Variants in SHISAL2A observed in about 807,000 individuals in gnomAD.
The protein encoded by SHISAL2A is protein shisa-like-2A.
SHISAL2A carries 18 observed loss-of-function variants against 11.5 expected under a neutral mutation model. The ratio of observed to expected loss-of-function variants is 1.57; its 90% CI spans 1.08 to 2.33. The LOEUF (loss-of-function observed/expected upper bound fraction) is 2.33, where lower values mean the gene tolerates loss of function less well. Ranked by LOEUF, SHISAL2A falls within the 30% of genes most tolerant of loss-of-function variation. The probability of loss-of-function intolerance (pLI) is 0.00; values close to 1 mark genes in which losing one functional copy is unlikely to be tolerated. For missense variants in SHISAL2A, 261 were observed against 250.9 expected, an observed-to-expected ratio of 1.04 and a Z score of -0.27; for synonymous variants, 94 against 99.6, an observed-to-expected ratio of 0.94 and a Z score of 0.34.
upstream of SHISAL2A, among the ~76,000 whole-genome samples, chr1:52,632,919 GAGGTT>G: frequency 6.6e-6 from 1 of 151,964 alleles, no homozygotes; most frequent in East Asian, 2.0e-4. Flanking sequence ...GGTTTTTGCG[GAGGTT>G]GGGTGAGGTT....
At chr1:52,653,289 A>C (rs1490355218) in intron 2 of SHISAL2A, among the ~76,000 whole-genome samples, 5 of 58,974 alleles carry the variant, frequency 8.5e-5, no homozygotes, top group African/African-American at 5.4e-4. Context: ...GTCTCTACAA[A>C]AAAAAAAAAA....
intron 4 of SHISAL2A, among the ~76,000 whole-genome samples, chr1:52,662,738 C>A (rs546133312): frequency 6.6e-6 from 1 of 152,182 alleles, no homozygotes; most frequent in African/African-American, 2.4e-5. Flanking sequence ...CCATAGTCCG[C>A]TAACCAACAG....
chr1:52,654,672 A>G (rs2149889746), intron 2 of SHISAL2A, among the ~76,000 whole-genome samples: 1 of 152,344 alleles, frequency 6.6e-6, no homozygotes, highest in Admixed American at 6.5e-5. Flanking sequence ...AATGTAAACC[A>G]AAAAACTCTA....
chr1:52,652,035 C>A (rs1300564451), intron 2 of SHISAL2A, among the ~76,000 whole-genome samples: 2 of 152,228 alleles, frequency 1.3e-5, no homozygotes, highest in East Asian at 3.8e-4. Flanking sequence ...TTCCCCAGAG[C>A]CCTGGCTGGC....
At chr1:52,645,609 G>A (rs565676645) in intron 2 of SHISAL2A, among the ~76,000 whole-genome samples, 11 of 152,222 alleles carry the variant, frequency 7.2e-5, no homozygotes, top group Middle Eastern at 3.4e-3. Context: ...GAGTTTCACC[G>A]TCCTGCTCAG....
At chr1:52,658,619 C>T (rs1170350206), downstream of SHISAL2A, among the ~76,000 whole-genome samples, 1 of 152,164 alleles carries the variant, frequency 6.6e-6, no homozygotes, top group African/African-American at 2.4e-5. Flanking sequence ...AAAGTGTTGG[C>T]AAATGGAAAG....
At chr1:52,644,206 G>C (rs1691440116) in intron 2 of SHISAL2A, among the ~76,000 whole-genome samples, 1 of 152,186 alleles carries the variant, frequency 6.6e-6, no homozygotes, top group South Asian at 2.1e-4. Flanking sequence ...AAAGTGTAGG[G>C]AAGATTTCAA....
intron 2 of SHISAL2A, among the ~76,000 whole-genome samples, chr1:52,646,424 T>C (rs527703761): frequency 6.6e-6 from 1 of 152,052 alleles, no homozygotes; most frequent in African/African-American, 2.4e-5. Context: ...ACAAATAATA[T>C]GACACTGTAT....
intron 1 of SHISAL2A, among the ~76,000 whole-genome samples, chr1:52,637,683 C>G (rs1259167665): frequency 1.3e-5 from 2 of 152,178 alleles, no homozygotes; most frequent in African/African-American, 4.8e-5. Flanking sequence ...TTCCCACCAC[C>G]TGGTGAGATA....
intron 2 of SHISAL2A, among the ~76,000 whole-genome samples, chr1:52,651,580 T>C (rs907665788): frequency 1.3e-5 from 2 of 151,998 alleles, no homozygotes; most frequent in Non-Finnish European, 2.9e-5. Flanking sequence ...AGTCTCACCC[T>C]CTTGCCCAGG....
intron 4 of SHISAL2A, among the ~76,000 whole-genome samples, chr1:52,665,262 G>A (rs1691990446): frequency 6.6e-6 from 1 of 152,148 alleles, no homozygotes; most frequent in Non-Finnish European, 1.5e-5. Flanking sequence ...TAACATATGT[G>A]GTGCTAAAGG....
intron 2 of SHISAL2A, among the ~76,000 whole-genome samples, chr1:52,650,600 A>T (rs538987354): frequency 4.1e-5 from 6 of 146,660 alleles, no homozygotes; most frequent in African/African-American, 1.5e-4. Context: ...CAATTTTTAC[A>T]TGTTGGCAAT....
Position 52,633,564 on chromosome 1 carries a change from C to T in SHISAL2A, c.71C>T (p.Pro24Leu), listed in dbSNP as rs1558082978. The change falls in exon 1 of 3, where the codon CCG (proline) becomes CTG (leucine). Residue 24 changes from proline to leucine, a missense_variant. Coordinates refer to ENST00000517870, the MANE Select transcript of SHISAL2A (RefSeq NM_001042693.3). This position sits in a 1 kb window ranked among gnomAD's most constrained non-coding sequence, Gnocchi z 6.4. ...GTGCGCGGCTTCAGCTGCCCGCGGCCGGGGGGCGAGGCGGCCGCTGTCTTC... is the reference window on the plus strand; with the variant it reads ...GTGCGCGGCTTCAGCTGCCCGCGGCTGGGGGGCGAGGCGGCCGCTGTCTTC... ...EVVRGFSCPR[P>L]GGEAAAVFCC... is the part of the protein sequence containing the mutation. The T allele has an allele frequency of 1.2e-6, 2 of 1,610,846 alleles. No individual in the cohort carries two copies. Among genetic ancestry groups the T allele is most frequent in the South Asian group, 2.2e-5 (2 of 90,870 alleles).
At chr1:52,644,818 C>T (rs1396569171) in intron 2 of SHISAL2A, among the ~76,000 whole-genome samples, 2 of 151,906 alleles carry the variant, frequency 1.3e-5, no homozygotes, top group African/African-American at 4.8e-5. Context: ...GAGATCGAGA[C>T]CATCCTGGCT....
chr1:52,633,241 G>T lies in SHISAL2A; in HGVS notation c.-253G>T, dbSNP rs1388409046. The T allele has an allele frequency of 6.4e-6, 2 of 314,906 alleles. No individual in the cohort carries two copies. Among genetic ancestry groups the T allele is most frequent in the East Asian group, 5.2e-5 (1 of 19,080 alleles). The allele number at this position is 314,906 out of a possible 1,614,324, so 19.5% of individuals were successfully genotyped here. ...CGGCTCCTGCCGCGTTCCAGCAGCC[G>T]TCACTCCCGCCGCCGGCCCCCGCCG... On this transcript the variant is annotated 5_prime_UTR_variant, in exon 1 of 3. Coordinates refer to ENST00000517870, the MANE Select transcript of SHISAL2A (RefSeq NM_001042693.3). The surrounding 1 kb of genome is among the most constrained non-coding windows in gnomAD (Gnocchi z 6.4).
At chr1:52,651,820 A>C (rs1347301077) in intron 2 of SHISAL2A, among the ~76,000 whole-genome samples, 2 of 152,248 alleles carry the variant, frequency 1.3e-5, no homozygotes, top group Non-Finnish European at 2.9e-5. Flanking sequence ...TAATAAATGC[A>C]GTCTATTATG....
At chr1:52,657,081 T>G, downstream of SHISAL2A, 1 of 1,532,254 alleles carries the variant, frequency 6.5e-7, no homozygotes. Context: ...TTCTGGAGTC[T>G]CTTCAGTGAA....
downstream of SHISAL2A, among the ~76,000 whole-genome samples, chr1:52,661,502 A>G (rs1691906607): frequency 6.6e-6 from 1 of 152,224 alleles, no homozygotes; most frequent in African/African-American, 2.4e-5. Flanking sequence ...GCCAGGGCAC[A>G]AGACAGCCAA....
At chr1:52,645,499 C>G (rs781213667) in intron 2 of SHISAL2A, among the ~76,000 whole-genome samples, 2 of 152,174 alleles carry the variant, frequency 1.3e-5, no homozygotes, top group Non-Finnish European at 2.9e-5. Context: ...GCCTTGCACT[C>G]CGGGGCTCAG....
Sources: gnomAD v4.1 joint callset for allele counts (sites outside exome capture counted in the v4.1 genomes callset) on GRCh38, gnomAD v4.1.1 for gene constraint, Gnocchi (gnomAD v3.1) non-coding constraint, MANE v1.5 for transcripts, NCBI Gene and HGNC (gene_info 2026-07-23, HGNC 2026-07-21) for gene names.